DNAH8: variants seen among roughly 807,000 people sequenced by gnomAD.
DNAH8 encodes the protein dynein axonemal heavy chain 8, also known as axonemal beta dynein heavy chain 8.
In DNAH8, 382 loss-of-function variants were observed where a neutral mutation model predicts 562.1. The observed-to-expected ratio is 0.68, with a 90% CI of 0.63 to 0.74. The LOEUF is 0.74. Ranked by LOEUF, DNAH8 falls within the 30% of genes least tolerant of loss-of-function variation. The pLI is 0.00. For synonymous variants in DNAH8, 1,881 were observed against 1,919.4 expected (o/e 0.98, Z 0.52); for missense variants, 5,203 against 5,620.4 (o/e 0.93, Z 2.37).
At chr6:38,893,092 G>A (rs565245086) in intron 58 of DNAH8, among the ~76,000 whole-genome samples, 2 of 152,194 alleles carry the variant, frequency 1.3e-5, no homozygotes, top group East Asian at 1.9e-4. Context: ...ATAAAAGCCC[G>A]CTTGATGGCA....
Position 38,901,073 on chromosome 6 carries a change from C to A in DNAH8, c.9194+1167C>A, listed in dbSNP as rs113356894. On this transcript the variant is annotated intron_variant, in intron 62 of 92. Transcript: ENST00000327475. ...CTCCATTTTTTTTTCAATTTGTTTGCGATTCTTTCTTATTGATTGTTAGGA... is the reference window on the plus strand; with the variant it reads ...CTCCATTTTTTTTTCAATTTGTTTGAGATTCTTTCTTATTGATTGTTAGGA... Among the ~76,000 whole-genome samples, 830 of 151,244 alleles carry A rather than the reference C, an allele frequency of 5.5e-3. 16 individuals carry two copies. Among genetic ancestry groups the A allele is most frequent in the African/African-American group, 0.019 (787 of 41,206 alleles).
intron 82 of DNAH8, among the ~76,000 whole-genome samples, chr6:38,959,547 G>A (rs1432072213): frequency 6.6e-6 from 1 of 151,952 alleles, no homozygotes; most frequent in East Asian, 1.9e-4. Flanking sequence ...ATACCTAGGA[G>A]TAAATTTAAT....
intron 5 of DNAH8, among the ~76,000 whole-genome samples, chr6:38,735,307 A>G (rs1406690114): frequency 6.6e-6 from 1 of 152,226 alleles, no homozygotes. Context: ...ACAATGGGAA[A>G]GGGAACTGAA....
chr6:38,883,069 G>A lies in DNAH8; in HGVS notation c.8001+17G>A, dbSNP rs955810742. On this transcript the variant is annotated intron_variant, in intron 54 of 92. Transcript: ENST00000327475. The stretch of plus-strand genomic sequence containing the variant: ...CAACATAAAGTAAGTTTAATAGATA[G>A]TTCCTTAAATGATCACAAACCATCC... 6 of 1,561,738 alleles carry A rather than the reference G, an allele frequency of 3.8e-6. No individual in the cohort carries two copies. The highest frequency in any genetic ancestry group is 5.2e-6 in the Non-Finnish European group (6 of 1,158,034).
chr6:38,781,336 T>C lies in DNAH8; in HGVS notation c.2222T>C (p.Leu741Pro), dbSNP rs2127639842. The change falls in exon 16 of 93, where the codon CTC becomes CCC. Residue 741 changes from leucine (L) to proline (P), a missense_variant. This residue lies in a region of DNAH8 where 2,176 missense variants were observed against 2,365.1 expected (regional missense o/e 0.92). Coordinates refer to ENST00000327475, the MANE Select transcript of DNAH8 (RefSeq NM_001206927.2). ...IAGKILWVRQ[L>P]YRRISEPINY... ...GGAAAAATACTCTGGGTGAGGCAGC[T>C]CTATCGCCGGATAAGTGAGCCCATC... 1 of 1,613,862 alleles carries C rather than the reference T, an allele frequency of 6.2e-7. No homozygotes were observed. Among genetic ancestry groups the C allele is most frequent in the Non-Finnish European group, 8.5e-7 (1 of 1,179,874 alleles).
intron 21 of DNAH8, among the ~76,000 whole-genome samples, chr6:38,793,451 A>G (rs1769941622): frequency 6.6e-6 from 1 of 152,146 alleles, no homozygotes; most frequent in Non-Finnish European, 1.5e-5. Context: ...ATGTAATTAT[A>G]CCAGCTTTTT....
In DNAH8 at chr6:38,931,819, C is replaced by T. The variant is rs1020414737; in HGVS notation, c.11283C>T (p.Val3761=). The T allele has an allele frequency of 5.2e-6, 8 of 1,550,824 alleles. No individual in the cohort carries two copies. The highest frequency in any genetic ancestry group is 2.5e-5 in the South Asian group (2 of 79,684). The part of the protein sequence containing the change: ...IKSGTTFKVK[V]GDKECDIMDT... ...TATGTGAATTTATGTAGGTGAAAGT[C>T]GGTGATAAGGAATGTGATATCATGG... is the stretch of plus-strand genomic sequence containing the variant. The change falls in exon 76 of 93, where the codon GTC becomes GTT. Residue 3761 remains valine (V), a synonymous_variant. Coordinates refer to ENST00000327475, the MANE Select transcript of DNAH8 (RefSeq NM_001206927.2).
chr6:38,964,934 C>T (rs1762874000), intron 82 of DNAH8, among the ~76,000 whole-genome samples: 1 of 151,970 alleles, frequency 6.6e-6, no homozygotes, highest in African/African-American at 2.4e-5. Flanking sequence ...CGTGGTGGCA[C>T]ATGCCTGTAA....
Position 38,750,600 on chromosome 6 carries a change from T to G in DNAH8, c.1407+11T>G. On this transcript the variant is annotated intron_variant, in intron 9 of 92. Coordinates refer to ENST00000327475, the MANE Select transcript of DNAH8 (RefSeq NM_001206927.2). ...TATAACCATGACCTAGTAAGTATGC[T>G]TTTAAAGTACAATTTTAAACTGAGG... 6.6e-7 allele frequency: 1 copy of G among 1,522,462 alleles called. No individual in the cohort carries two copies. The highest frequency in any genetic ancestry group is 9.1e-7 in the Non-Finnish European group (1 of 1,103,818). The allele number at this position is 1,522,462 out of a possible 1,614,324, so 94.3% of individuals were successfully genotyped here. A position where few individuals can be genotyped will look rare whatever the true frequency, so the allele number is the denominator to read the frequency against.
Position 38,938,897 on chromosome 6 carries a change from C to G in DNAH8, c.11916C>G (p.Asn3972Lys), listed in dbSNP as rs781191185. ...ACTCTGTCAGAGGCCTATACGAAAA[C>G]CACAAATTCCTGTTTGTACTCCTCA... ...FTYSVRGLYENHKFLFVLLMT... is the reference protein window; with the variant it reads ...FTYSVRGLYEKHKFLFVLLMT... The change falls in exon 79 of 93, where the codon AAC becomes AAG. Residue 3972 changes from asparagine (N) to lysine (K), a missense_variant. By Grantham distance (94) the Asn-to-Lys change is moderately conservative (BLOSUM62 0). Around this residue, in one of 6 missense-constraint regions of DNAH8, gnomAD observed 1,399 missense variants for 1,518.4 expected, o/e 0.92. Coordinates refer to ENST00000327475, the MANE Select transcript of DNAH8 (RefSeq NM_001206927.2). 1.2e-6 allele frequency: 2 copies of G among 1,613,852 alleles called. No homozygotes were observed. The highest frequency in any genetic ancestry group is 1.7e-6 in the Non-Finnish European group (2 of 1,179,798).
chr6:38,825,938 A>T (rs1387378227), intron 28 of DNAH8, among the ~76,000 whole-genome samples: 1 of 152,212 alleles, frequency 6.6e-6, no homozygotes, highest in Non-Finnish European at 1.5e-5. Flanking sequence ...TGTCAAACTC[A>T]TGCACATTTC....
chr6:38,861,949 G>GTTTT (rs10677373), intron 43 of DNAH8, among the ~76,000 whole-genome samples: 87 of 134,690 alleles, frequency 6.5e-4, no homozygotes, highest in Non-Finnish European at 1.1e-3. Flanking sequence ...TGAAAACCAG[G>GTTTT]TTTTTTTTTT....
chr6:38,751,626 C>T (rs1765461616), intron 9 of DNAH8, among the ~76,000 whole-genome samples: 1 of 152,166 alleles, frequency 6.6e-6, no homozygotes, highest in Non-Finnish European at 1.5e-5. Context: ...CATAATATTT[C>T]CATAGAGATC....
At chr6:38,791,761 G>A in intron 21 of DNAH8, 87 bp downstream of exon 21, 2 of 1,408,112 alleles carry the variant, frequency 1.4e-6, no homozygotes, top group Non-Finnish European at 1.9e-6. Context: ...GTAGAAACCT[G>A]GGTCAGTAGC....
chr6:38,976,320 A>G (rs1374995679), intron 85 of DNAH8, among the ~76,000 whole-genome samples: 3 of 152,206 alleles, frequency 2.0e-5, no homozygotes, highest in Admixed American at 2.0e-4. Context: ...CTAAAATTCC[A>G]TCGCCCAATT....
intron 82 of DNAH8, among the ~76,000 whole-genome samples, chr6:38,968,702 G>A (rs181580941): frequency 7.2e-4 from 109 of 152,304 alleles, no homozygotes; most frequent in African/African-American, 2.5e-3. Context: ...AAATGGTGCA[G>A]CTGCTTTGGA....
In DNAH8 at chr6:38,915,341, T is replaced by G; in HGVS notation, c.10104T>G (p.Ala3368=). 2 of 1,606,546 alleles carry G rather than the reference T, an allele frequency of 1.2e-6. 1 individual carries two copies. The highest frequency in any genetic ancestry group is 2.2e-5 in the South Asian group (2 of 89,660). ...KVKAESKLEA[A]KPALEEAEAA... Reference sequence around the variant, plus strand: ...AAGCTGAAAGCAAGCTTGAGGCAGCTAAACCTGCACTGGAAGAAGCAGAAG... The same window carrying G: ...AAGCTGAAAGCAAGCTTGAGGCAGCGAAACCTGCACTGGAAGAAGCAGAAG... Residue 3368 remains alanine (A), a synonymous_variant, in exon 68 of 93, where the codon GCT becomes GCG. Coordinates refer to ENST00000327475, the MANE Select transcript of DNAH8 (RefSeq NM_001206927.2).
chr6:38,982,592 G>A (rs1764109352), intron 86 of DNAH8, 130 bp downstream of exon 86: 3 of 601,024 alleles, frequency 5.0e-6, no homozygotes, highest in East Asian at 2.6e-5. Flanking sequence ...GGGACTTGTT[G>A]CTGTAATCAG....
At chr6:38,849,195 C>A (rs1205497336) in intron 37 of DNAH8, among the ~76,000 whole-genome samples, 2 of 152,144 alleles carry the variant, frequency 1.3e-5, no homozygotes, top group Non-Finnish European at 2.9e-5. Context: ...ATGTGAGGTA[C>A]ATTCAAATGC....
Sources: allele counts gnomAD v4.1 joint callset (sites outside exome capture counted in the v4.1 genomes callset), GRCh38; gene constraint gnomAD v4.1.1; regional missense constraint gnomAD v4.1.1; transcripts MANE v1.5; gene names NCBI Gene and HGNC (gene_info 2026-07-23, HGNC 2026-07-21).